The following HTR2A variants were observed in gnomAD, a reference collection of about 807,000 sequenced individuals.
The protein encoded by HTR2A is 5-HT2 receptor.
HTR2A carries 14 observed loss-of-function variants against 31.0 expected under a neutral mutation model. The observed-to-expected ratio is 0.45, with a 90% CI of 0.30 to 0.71. The LOEUF is 0.71. HTR2A is among the 30% of genes least tolerant of loss of function. The pLI is 0.09. For missense variants in HTR2A, 442 were observed against 573.3 expected (o/e 0.77, Z 2.34); for synonymous variants, 209 against 225.2 (o/e 0.93, Z 0.64).
rs1455811605 is a variant in HTR2A at position 46,896,089 on chromosome 13, G to A, written c.-183C>T. 10 of 1,331,304 alleles carry A rather than the reference G, an allele frequency of 7.5e-6. No individual in the cohort carries two copies. The highest frequency in any genetic ancestry group is 7.6e-6 in the Non-Finnish European group (8 of 1,047,678). The allele number at this position is 1,331,304 out of a possible 1,614,324, so 82.5% of individuals were successfully genotyped here. A position where few individuals can be genotyped will look rare whatever the true frequency, so the allele number is the denominator to read the frequency against. The stretch of plus-strand genomic sequence containing the variant: ...ATAGTTAAAGAACTGAACTGTGGTG[G>A]CTGTAAGTTTTCTTCATTCACAATT... On this transcript the variant is annotated 5_prime_UTR_variant, in exon 2 of 4. Transcript: ENST00000542664.
chr13:46,839,141 T>G (rs1259157818), intron 3 of HTR2A, among the ~76,000 whole-genome samples: 2 of 152,126 alleles, frequency 1.3e-5, no homozygotes, highest in African/African-American at 2.4e-5. Context: ...CACGCAGAGC[T>G]GTTCTGTCTG....
At chr13:46,881,867 G>A (rs1011291076) in intron 3 of HTR2A, among the ~76,000 whole-genome samples, 7 of 152,114 alleles carry the variant, frequency 4.6e-5, no homozygotes, top group African/African-American at 7.2e-5. Context: ...TTTGAGTCTG[G>A]TTTACTCAGT....
At chr13:46,850,902 T>C (rs528395657) in intron 3 of HTR2A, among the ~76,000 whole-genome samples, 3 of 152,378 alleles carry the variant, frequency 2.0e-5, no homozygotes, top group African/African-American at 7.2e-5. Flanking sequence ...ACAATGCTTA[T>C]TTTCTTTCCA....
Position 46,896,803 on chromosome 13 carries a change from G to C in HTR2A, c.-458C>G. ...ACCAGCATAATATGATAGTAATTTG[G>C]TTTCTGTTTTGCTGACTTCAAAAAC... On this transcript the variant is annotated 5_prime_UTR_variant, in exon 1 of 4. Coordinates refer to ENST00000542664, the MANE Select transcript of HTR2A (RefSeq NM_000621.5). 1 of 1,536,994 alleles carries C rather than the reference G, an allele frequency of 6.5e-7. No homozygotes were observed. The highest frequency in any genetic ancestry group is 8.7e-7 in the Non-Finnish European group (1 of 1,146,804).
Position 46,843,054 on chromosome 13 carries a change from G to A in HTR2A, c.614-7415C>T, listed in dbSNP as rs139251874. Among the ~76,000 whole-genome samples the A allele has an allele frequency of 2.0e-5, 3 of 152,284 alleles. No homozygotes were observed. In the East Asian group the frequency reaches 5.8e-4, roughly 29 times the overall value. On this transcript the variant is annotated intron_variant, in intron 3 of 3. Coordinates refer to ENST00000542664, the MANE Select transcript of HTR2A (RefSeq NM_000621.5). Reference sequence around the variant, plus strand: ...CCACCTGGGATGTAAGCCATCCCTTGGTACAGTGGATCCATGCTGCAGATG... The same window carrying A: ...CCACCTGGGATGTAAGCCATCCCTTAGTACAGTGGATCCATGCTGCAGATG...
intron 3 of HTR2A, among the ~76,000 whole-genome samples, chr13:46,882,368 G>A (rs1465969434): frequency 6.6e-6 from 1 of 152,184 alleles, no homozygotes; most frequent in Non-Finnish European, 1.5e-5. Flanking sequence ...AGATGGCAAA[G>A]GTGGTATATG....
chr13:46,897,430 C>T (rs1052863514), upstream of HTR2A, among the ~76,000 whole-genome samples: 7 of 152,170 alleles, frequency 4.6e-5, no homozygotes, highest in Non-Finnish European at 7.3e-5. Context: ...CTAGGCACGT[C>T]TGTGGTGATA....
intron 3 of HTR2A, among the ~76,000 whole-genome samples, chr13:46,874,363 G>A (rs955056365): frequency 6.6e-6 from 1 of 152,148 alleles, no homozygotes; most frequent in Non-Finnish European, 1.5e-5. Flanking sequence ...TGCTATCAGG[G>A]AAAAACCACA....
chr13:46,838,396 T>C (rs1417892954), intron 3 of HTR2A, among the ~76,000 whole-genome samples: 1 of 152,160 alleles, frequency 6.6e-6, no homozygotes, highest in Non-Finnish European at 1.5e-5. Context: ...TGGATCAAAT[T>C]TGCAGAGCAC....
chr13:46,857,620 AGGG>A (rs1483748530), intron 3 of HTR2A, among the ~76,000 whole-genome samples: 1 of 152,172 alleles, frequency 6.6e-6, no homozygotes, highest in African/African-American at 2.4e-5. Context: ...GTAAGTAGGG[AGGG>A]GCATTTGACT....
rs141892849 is a variant in HTR2A at position 46,868,446 on chromosome 13, C to T, written c.613+23944G>A. 5.9e-5 allele frequency among the ~76,000 whole-genome samples: 9 copies of T among 152,320 alleles called. No individual in the cohort carries two copies. The South Asian group carries it at 6.2e-4, about 11-fold the overall frequency. ...CATAGATTTGAGGGGGTCATTCATACGACCAAAAGAAAACTCCAACTCAAG... is the reference window on the plus strand; with the variant it reads ...CATAGATTTGAGGGGGTCATTCATATGACCAAAAGAAAACTCCAACTCAAG... On this transcript the variant is annotated intron_variant, in intron 3 of 3. Transcript: ENST00000542664.
intron 3 of HTR2A, among the ~76,000 whole-genome samples, chr13:46,875,990 AT>A (rs1950907121): frequency 6.6e-6 from 1 of 152,228 alleles, no homozygotes; most frequent in Admixed American, 6.5e-5. Flanking sequence ...AGACATTCTG[AT>A]TTTAGAAAAC....
chr13:46,886,665 A>G (rs1951008844), intron 3 of HTR2A, among the ~76,000 whole-genome samples: 1 of 152,164 alleles, frequency 6.6e-6, no homozygotes, highest in Non-Finnish European at 1.5e-5. Context: ...AGAAAAAGCA[A>G]TTGGTGAGAG....
rs376705680 is a variant in HTR2A, at chr13:46,835,164, A to G, written c.1089T>C (p.Asn363=). ...AGAGATAACCGATCCAAACAAACAC[A>G]TTGAGCAGGGCCCCAATGACATCCT... is the stretch of plus-strand genomic sequence containing the variant. The part of the protein sequence containing the change: ...CNEDVIGALL[N]VFVWIGYLSS... Residue 363 remains asparagine (N), a synonymous_variant, in exon 4 of 4, where the codon AAT becomes AAC. Coordinates refer to ENST00000542664, the MANE Select transcript of HTR2A (RefSeq NM_000621.5). 2.5e-6 allele frequency: 4 copies of G among 1,614,138 alleles called. No individual in the cohort carries two copies. The highest frequency in any genetic ancestry group is 3.4e-6 in the Non-Finnish European group (4 of 1,179,986).
rs375432061 is a variant in HTR2A, at chr13:46,895,952, G to A, written c.-46C>T. 27 of 1,554,734 alleles carry A rather than the reference G, an allele frequency of 1.7e-5. No homozygotes were observed. The African/African-American group carries it at 3.5e-4, about 20-fold the overall frequency. On this transcript the variant is annotated 5_prime_UTR_variant, in exon 2 of 4. Transcript: ENST00000542664. This position sits in a 1 kb window ranked among gnomAD's most constrained non-coding sequence, Gnocchi z 4.4. Reference sequence around the variant, plus strand: ...CAGATGAGGTGTAGAAGGACTAACAGGTTATAGTTTCTGCTCACCATTCAC... The same window carrying A: ...CAGATGAGGTGTAGAAGGACTAACAAGTTATAGTTTCTGCTCACCATTCAC...
rs540758121 is a variant in HTR2A, at chr13:46,840,876, A to C, written c.614-5237T>G. On this transcript the variant is annotated intron_variant, in intron 3 of 3. Coordinates refer to ENST00000542664, the MANE Select transcript of HTR2A (RefSeq NM_000621.5). The stretch of plus-strand genomic sequence containing the variant: ...TGACTAATAAGCACTAAATTACACC[A>C]ATTGATATGGTTTCATTCTGTGTCT... Among the ~76,000 whole-genome samples the C allele has an allele frequency of 1.1e-3, 166 of 152,232 alleles. 1 individual carries two copies. Among genetic ancestry groups the C allele is most frequent in the African/African-American group, 3.9e-3 (162 of 41,546 alleles).
chr13:46,882,597 GAGACT>G (rs1186552338), intron 3 of HTR2A, among the ~76,000 whole-genome samples: 5 of 152,152 alleles, frequency 3.3e-5, no homozygotes, highest in Admixed American at 6.5e-5. Flanking sequence ...ATTAATAAAT[GAGACT>G]CCATAAATCC....
rs117222059 is a variant in HTR2A at position 46,832,522 on chromosome 13, G to T, written c.*2315C>A. 3 of 152,150 alleles carry T rather than the reference G, an allele frequency of 2.0e-5. No individual in the cohort carries two copies. Among genetic ancestry groups the T allele is most frequent in the African/African-American group, 7.2e-5 (3 of 41,440 alleles). The allele number at this position is 152,150 out of a possible 1,614,324, so 9.4% of individuals were successfully genotyped here. On this transcript the variant is annotated 3_prime_UTR_variant, in exon 4 of 4. Transcript: ENST00000542664. The stretch of plus-strand genomic sequence containing the variant: ...TCTGATCAAGATTGAGTATATGGGG[G>T]TAGAATCTGTAATCTTTTCCCTAAT...
At chr13:46,875,651 G>A (rs1280644979) in intron 3 of HTR2A, among the ~76,000 whole-genome samples, 1 of 152,124 alleles carries the variant, frequency 6.6e-6, no homozygotes, top group Non-Finnish European at 1.5e-5. Flanking sequence ...GAAAAATGCT[G>A]CCTTATGAAA....
Sources: allele counts gnomAD v4.1 joint callset (sites outside exome capture counted in the v4.1 genomes callset), GRCh38; gene constraint gnomAD v4.1.1; non-coding constraint Gnocchi (gnomAD v3.1); transcripts MANE v1.5; gene names NCBI Gene and HGNC (gene_info 2026-07-23, HGNC 2026-07-21).